The following KATNAL1 variants were observed in gnomAD, a reference collection of about 807,000 sequenced individuals.
The protein encoded by KATNAL1 is katanin catalytic subunit A1 like 1, also known as katanin p60 ATPase-containing subunit A-like 1.
Under a neutral mutation model 55.2 loss-of-function variants are expected in KATNAL1, and 32 were observed. That is an observed-to-expected ratio of 0.58 (90% CI 0.44 to 0.78). KATNAL1 has a LOEUF of 0.78. KATNAL1 is among the 30% of genes least tolerant of loss of function. The pLI, the probability that KATNAL1 is intolerant of heterozygous loss-of-function variation, is 0.00. For synonymous variants in KATNAL1, 193 were observed against 193.6 expected, an observed-to-expected ratio of 1.00 and a Z score of 0.02; for missense variants, 466 against 600.9, an observed-to-expected ratio of 0.78 and a Z score of 2.35.
At chr13:30,237,902 C>A (rs955221402) in intron 6 of KATNAL1, among the ~76,000 whole-genome samples, 1 of 152,186 alleles carries the variant, frequency 6.6e-6, no homozygotes, top group Non-Finnish European at 1.5e-5. Flanking sequence ...CTTCTTGACA[C>A]ATATATTACA....
chr13:30,261,983 T>G (rs1415591706), intron 3 of KATNAL1, among the ~76,000 whole-genome samples: 6 of 152,122 alleles, frequency 3.9e-5, no homozygotes, highest in African/African-American at 1.2e-4. Context: ...GTTCTCCTCA[T>G]CAAATGTAAA....
chr13:30,224,590 TA>T (rs1875252332), intron 9 of KATNAL1, among the ~76,000 whole-genome samples: 2 of 150,972 alleles, frequency 1.3e-5, no homozygotes, highest in Admixed American at 6.6e-5. Context: ...CCTTAGTTTC[TA>T]ACTTCAGATA....
intron 3 of KATNAL1, among the ~76,000 whole-genome samples, chr13:30,259,979 C>G (rs374728082): frequency 6.6e-6 from 1 of 152,258 alleles, no homozygotes; most frequent in South Asian, 2.1e-4. Flanking sequence ...CCCTGTCTCA[C>G]AGCTTTGAAG....
intron 1 of KATNAL1, among the ~76,000 whole-genome samples, chr13:30,297,621 T>C (rs1036369900): frequency 6.6e-6 from 1 of 152,186 alleles, no homozygotes; most frequent in Non-Finnish European, 1.5e-5. Context: ...AATCTCGGTA[T>C]CCATCAACAG....
chr13:30,239,851 A>G (rs1047205277), intron 6 of KATNAL1, among the ~76,000 whole-genome samples: 3 of 151,872 alleles, frequency 2.0e-5, no homozygotes, highest in Admixed American at 6.6e-5. Flanking sequence ...ACGCCCAGCT[A>G]ATTTTTGTAT....
chr13:30,285,307 C>T (rs1881700433), intron 1 of KATNAL1, among the ~76,000 whole-genome samples: 2 of 119,592 alleles, frequency 1.7e-5, no homozygotes, highest in Admixed American at 1.7e-4. Flanking sequence ...CCAAATCTCA[C>T]CTTAAATTGT....
In KATNAL1 at chr13:30,207,347, G is replaced by C. The variant is rs1873243740; in HGVS notation, c.*1193C>G. On this transcript the variant is annotated 3_prime_UTR_variant, in exon 11 of 11. Transcript: ENST00000380615. Reference sequence around the variant, plus strand: ...GATTTCTATCTTTATCTTAGTGTGTGTAAAAGTTCTCAACCTAGACAAGGA... The same window carrying C: ...GATTTCTATCTTTATCTTAGTGTGTCTAAAAGTTCTCAACCTAGACAAGGA... 6.6e-6 allele frequency: 1 copy of C among 152,170 alleles called. No individual in the cohort carries two copies. Among genetic ancestry groups the C allele is most frequent in the Admixed American group, 6.5e-5 (1 of 15,284 alleles). 9.4% of individuals were successfully genotyped at this position (152,170 alleles called of 1,614,324 possible). A position where few individuals can be genotyped will look rare whatever the true frequency, so the allele number is the denominator to read the frequency against.
At chr13:30,251,762 C>T (rs73443683) in intron 4 of KATNAL1, among the ~76,000 whole-genome samples, 3 of 152,150 alleles carry the variant, frequency 2.0e-5, no homozygotes, top group African/African-American at 4.8e-5. Context: ...ATTTCATTAA[C>T]GTTTGTATTT....
At chr13:30,247,210 T>C (rs914807187) in intron 4 of KATNAL1, among the ~76,000 whole-genome samples, 2 of 152,166 alleles carry the variant, frequency 1.3e-5, no homozygotes, top group African/African-American at 2.4e-5. Flanking sequence ...GGGCTACTCT[T>C]ACCCCAGTGT....
At chr13:30,270,146 A>C (rs1424540736) in intron 3 of KATNAL1, among the ~76,000 whole-genome samples, 1 of 117,888 alleles carries the variant, frequency 8.5e-6, no homozygotes, top group Non-Finnish European at 1.9e-5. Context: ...GGCCGCCCCT[A>C]CTGGGAAGTG....
intron 9 of KATNAL1, among the ~76,000 whole-genome samples, chr13:30,220,978 C>A (rs548766635): frequency 1.3e-5 from 2 of 152,062 alleles, no homozygotes; most frequent in African/African-American, 2.4e-5. Context: ...GGATTACAGG[C>A]GTGAGCAACA....
chr13:30,242,774 CAT>C (rs1423795450), intron 4 of KATNAL1, among the ~76,000 whole-genome samples: 2 of 151,954 alleles, frequency 1.3e-5, no homozygotes, highest in African/African-American at 2.4e-5. Flanking sequence ...CAGTGGTACA[CAT>C]GAGACTTGAA....
intron 1 of KATNAL1, among the ~76,000 whole-genome samples, chr13:30,305,473 T>C (rs1883121242): frequency 6.6e-6 from 1 of 152,242 alleles, no homozygotes; most frequent in Non-Finnish European, 1.5e-5. Context: ...AGTCAGGATC[T>C]TTCTACTAAA....
chr13:30,247,041 G>A (rs1016210772), intron 4 of KATNAL1, among the ~76,000 whole-genome samples: 2 of 152,110 alleles, frequency 1.3e-5, no homozygotes, highest in African/African-American at 4.8e-5. Context: ...AGTCCTATGA[G>A]GTAGGTACTC....
At chr13:30,246,625 A>T (rs1877822760) in intron 4 of KATNAL1, among the ~76,000 whole-genome samples, 1 of 152,208 alleles carries the variant, frequency 6.6e-6, no homozygotes, top group Non-Finnish European at 1.5e-5. Flanking sequence ...ATGGGAGACA[A>T]TTTTTGCAAT....
chr13:30,306,277 C>T (rs751786706), intron 1 of KATNAL1, among the ~76,000 whole-genome samples: 4 of 152,100 alleles, frequency 2.6e-5, no homozygotes, highest in East Asian at 3.8e-4. Context: ...AAAGAATTAA[C>T]TAAATAATTA....
In KATNAL1 at chr13:30,254,505, T is replaced by A. The variant is rs563104985; in HGVS notation, c.492+942A>T. On this transcript the variant is annotated intron_variant, in intron 4 of 10. Transcript: ENST00000380615. The stretch of plus-strand genomic sequence containing the variant: ...TTCAGAAAACACCAATTTTATTCTA[T>A]CTTGGTCTATGTATTATGGCTATAA... 1.3e-4 allele frequency among the ~76,000 whole-genome samples: 20 copies of A among 152,320 alleles called. No homozygotes were observed. In the South Asian group the frequency reaches 3.3e-3, roughly 25 times the overall value.
rs1370343349 is a variant in KATNAL1, at chr13:30,208,463, C to A, written c.*77G>T. 5.1e-5 allele frequency: 67 copies of A among 1,315,930 alleles called. No individual in the cohort carries two copies. In the East Asian group the frequency reaches 1.4e-3, roughly 28 times the overall value. The allele number at this position is 1,315,930 out of a possible 1,614,324, so 81.5% of individuals were successfully genotyped here. On this transcript the variant is annotated 3_prime_UTR_variant, in exon 11 of 11. Coordinates refer to ENST00000380615, the MANE Select transcript of KATNAL1 (RefSeq NM_032116.5). ...CCACTCCACTGAAAAAAATTCCAAA[C>A]TTGTTTTTTAAAAATTGCAGGAATT...
At chr13:30,264,434 C>G (rs1018366764) in intron 3 of KATNAL1, among the ~76,000 whole-genome samples, 12 of 143,528 alleles carry the variant, frequency 8.4e-5, no homozygotes, top group East Asian at 8.1e-4. Context: ...TCAGAGTGAA[C>G]AGGCAACCTA....
Sources: allele counts gnomAD v4.1 joint callset (sites outside exome capture counted in the v4.1 genomes callset), GRCh38; gene constraint gnomAD v4.1.1; transcripts MANE v1.5; gene names NCBI Gene and HGNC (gene_info 2026-07-23, HGNC 2026-07-21).